Variants in COBL observed in about 807,000 individuals in gnomAD.
The protein encoded by COBL is cordon-bleu WH2 repeat protein.
In COBL, 51 loss-of-function variants were observed where a neutral mutation model predicts 98.8. The ratio of observed to expected loss-of-function variants is 0.52; its 90% CI spans 0.41 to 0.65. The LOEUF is 0.65. Ranked by LOEUF, COBL falls within the 30% of genes least tolerant of loss-of-function variation. The pLI is 0.00. For synonymous variants in COBL, 634 were observed against 651.7 expected (o/e 0.97, Z 0.41); for missense variants, 1,617 against 1,617.5 (o/e 1.00, Z 0.01).
intron 5 of COBL, among the ~76,000 whole-genome samples, chr7:51,136,665 T>A (rs1799268261): frequency 6.6e-6 from 1 of 152,204 alleles, no homozygotes; most frequent in Non-Finnish European, 1.5e-5. Context: ...CTTAAAACTT[T>A]AACCCATTGT....
chr7:51,283,988 A>G (rs944140009), intron 1 of COBL, among the ~76,000 whole-genome samples: 1 of 152,036 alleles, frequency 6.6e-6, no homozygotes, highest in Non-Finnish European at 1.5e-5. Flanking sequence ...GAATCTAGCA[A>G]TATATAAAAA....
chr7:51,106,190 C>A (rs1373149211), intron 6 of COBL, among the ~76,000 whole-genome samples: 2 of 113,620 alleles, frequency 1.8e-5, no homozygotes, highest in South Asian at 5.6e-4. Flanking sequence ...GGTGACAGAG[C>A]GAGATGTCTC....
intron 1 of COBL, among the ~76,000 whole-genome samples, chr7:51,272,973 C>CAA (rs1031325838): frequency 1.3e-5 from 2 of 151,988 alleles, no homozygotes; most frequent in Admixed American, 6.6e-5. Flanking sequence ...ACAACAACAA[C>CAA]AACAACAACA....
In COBL at chr7:51,029,588, A is replaced by C; in HGVS notation, c.1508T>G (p.Met503Arg). 6.3e-7 allele frequency: 1 copy of C among 1,585,246 alleles called. No homozygotes were observed. Among genetic ancestry groups the C allele is most frequent in the Non-Finnish European group, 8.6e-7 (1 of 1,160,244 alleles). The change falls in exon 10 of 13, where the codon ATG (methionine) becomes AGG (arginine). Residue 503 changes from methionine to arginine, a missense_variant. Met to Arg is a moderately conservative substitution (Grantham distance 91). Around this residue, in one of 3 missense-constraint regions of COBL, gnomAD observed 1,304 missense variants for 1,282.0 expected, o/e 1.02. Transcript: ENST00000265136. ...GGTGTCTGTTTCATAGCTGTCTTCC[A>C]TTTCTGCAAAGAGGGACAAACACAA... ...LAELDEDLEE[M>R]EDSYETDTSS... is the part of the protein sequence containing the mutation.
rs563706559 is a variant in COBL, at chr7:51,231,237, T to C, written c.42-11293A>G. Among the ~76,000 whole-genome samples the C allele has an allele frequency of 4.6e-5, 7 of 152,348 alleles. No homozygotes were observed. In the East Asian group the frequency reaches 1.3e-3, roughly 29 times the overall value. On this transcript the variant is annotated intron_variant, in intron 1 of 12. Coordinates refer to ENST00000265136, the MANE Select transcript of COBL (RefSeq NM_015198.5). ...TGTAACCCAGTGTGGAATCAAACCC[T>C]TCTGTTCTTACCTATTTGCTCTAGT...
intron 7 of COBL, chr7:51,071,366 C>T (rs2046471661): frequency 6.6e-6 from 1 of 152,184 alleles, no homozygotes; most frequent in Admixed American, 6.5e-5. Flanking sequence ...TGTAAATCTA[C>T]AAAACTTGTT....
intron 8 of COBL, among the ~76,000 whole-genome samples, chr7:51,043,005 G>A (rs1292332529): frequency 6.6e-6 from 1 of 152,198 alleles, no homozygotes; most frequent in African/African-American, 2.4e-5. Flanking sequence ...AGAGACATAT[G>A]TTTCTTGCTC....
rs192030964 is a variant in COBL at position 51,072,976 on chromosome 7, A to G, written c.1096+12190T>C. On this transcript the variant is annotated intron_variant, in intron 7 of 12. Coordinates refer to ENST00000265136, the MANE Select transcript of COBL (RefSeq NM_015198.5). ...ACTATACTGGTCAATTTATGGATAC[A>G]ATCTAGTTTTAAGAAAAATTGGCAA... is the stretch of plus-strand genomic sequence containing the variant. The G allele has an allele frequency of 1.0e-3, 179 of 170,914 alleles. 1 individual carries two copies. The highest frequency in any genetic ancestry group is 4.0e-3 in the African/African-American group (171 of 42,326). The allele number at this position is 170,914 out of a possible 1,614,324, so 10.6% of individuals were successfully genotyped here. A position where few individuals can be genotyped will look rare whatever the true frequency, so the allele number is the denominator to read the frequency against.
intron 1 of COBL, among the ~76,000 whole-genome samples, chr7:51,294,016 C>T (rs549693880): frequency 3.9e-5 from 6 of 152,252 alleles, no homozygotes; most frequent in African/African-American, 1.2e-4. Context: ...TTAGGCTGGG[C>T]GAGGTGGCTC....
At chr7:51,130,096 A>C (rs1047668017) in intron 6 of COBL, among the ~76,000 whole-genome samples, 1 of 152,166 alleles carries the variant, frequency 6.6e-6, no homozygotes, top group East Asian at 1.9e-4. Context: ...GATGTGGTTG[A>C]TGTGTACAAG....
intron 1 of COBL, among the ~76,000 whole-genome samples, chr7:51,267,599 G>C (rs1798344212): frequency 6.6e-6 from 1 of 152,060 alleles, no homozygotes; most frequent in African/African-American, 2.4e-5. Flanking sequence ...TTTTGAGACA[G>C]GGTTGCTCTC....
intron 6 of COBL, among the ~76,000 whole-genome samples, chr7:51,101,652 A>G (rs1211993918): frequency 1.3e-5 from 2 of 152,230 alleles, no homozygotes; most frequent in African/African-American, 4.8e-5. Context: ...ACTAAAGCCC[A>G]TGGATTTCTC....
At chr7:51,221,878 C>T (rs568650498) in intron 1 of COBL, among the ~76,000 whole-genome samples, 1 of 152,178 alleles carries the variant, frequency 6.6e-6, no homozygotes, top group East Asian at 1.9e-4. Flanking sequence ...AAGTTACGCA[C>T]ATTCACGTCA....
intron 1 of COBL, among the ~76,000 whole-genome samples, chr7:51,254,517 T>C (rs990077019): frequency 6.6e-6 from 1 of 152,224 alleles, no homozygotes; most frequent in African/African-American, 2.4e-5. Context: ...AACAACATCC[T>C]GGTAATGTGC....
intron 5 of COBL, among the ~76,000 whole-genome samples, chr7:51,172,021 T>TA (rs1482675803): frequency 6.6e-6 from 1 of 152,252 alleles, no homozygotes; most frequent in Non-Finnish European, 1.5e-5. Context: ...AGAAACTTTA[T>TA]AGATGCCAAC....
At chr7:51,190,194 TGAAAAA>T (rs1789958199) in intron 4 of COBL, among the ~76,000 whole-genome samples, 1 of 152,150 alleles carries the variant, frequency 6.6e-6, no homozygotes, top group Admixed American at 6.5e-5. Flanking sequence ...TAATGGCAAC[TGAAAAA>T]GAAAATCAAG....
At chr7:51,136,428 T>C (rs1295544241) in intron 5 of COBL, 97 bp from the exon 6 acceptor site, 1 of 1,303,236 alleles carries the variant, frequency 7.7e-7, no homozygotes, top group Non-Finnish European at 1.0e-6. Flanking sequence ...TCCGTCCACC[T>C]GAGCTTGAAC....
chr7:51,182,580 C>T (rs1789083319), intron 5 of COBL, among the ~76,000 whole-genome samples: 1 of 151,548 alleles, frequency 6.6e-6, no homozygotes, highest in Non-Finnish European at 1.5e-5. Flanking sequence ...CCGCGCCCGG[C>T]CACAAAATTC....
intron 6 of COBL, among the ~76,000 whole-genome samples, chr7:51,099,726 G>C (rs367847144): frequency 6.6e-6 from 1 of 151,894 alleles, no homozygotes; most frequent in African/African-American, 2.4e-5. Context: ...ATGCTATGTG[G>C]TTTTTTTAAC....
Sources: gnomAD v4.1 joint callset for allele counts (sites outside exome capture counted in the v4.1 genomes callset) on GRCh38, gnomAD v4.1.1 for gene constraint, gnomAD v4.1.1 regional missense constraint, MANE v1.5 for transcripts, NCBI Gene and HGNC (gene_info 2026-07-23, HGNC 2026-07-21) for gene names.